Variants in UXS1 observed in about 807,000 individuals in gnomAD.
UXS1 encodes the protein UDP-glucuronic acid decarboxylase 1.
A neutral mutation model predicts 62.6 loss-of-function variants in UXS1; 33 were observed. The ratio of observed to expected loss-of-function variants is 0.53; its 90% confidence interval spans 0.40 to 0.70. The LOEUF is 0.70. UXS1 is among the 30% of genes least tolerant of loss of function. UXS1 has a pLI of 0.00. For synonymous variants in UXS1, 213 were observed against 206.8 expected, an observed-to-expected ratio of 1.03 and a Z score of -0.26; for missense variants, 434 against 556.3, an observed-to-expected ratio of 0.78 and a Z score of 2.21.
chr2:106,141,153 G>A (rs146190928), intron 6 of UXS1, among the ~76,000 whole-genome samples: 13 of 152,250 alleles, frequency 8.5e-5, no homozygotes, highest in Admixed American at 1.3e-4. Flanking sequence ...GGGAAAACCC[G>A]TGTCTTGGTA....
chr2:106,139,109 A>C (rs986149341), intron 6 of UXS1, among the ~76,000 whole-genome samples: 4 of 152,172 alleles, frequency 2.6e-5, no homozygotes, highest in Non-Finnish European at 5.9e-5. Context: ...TGCACAGTTC[A>C]GAGTACACCA....
chr2:106,101,226 CAAA>C, intron 11 of UXS1, 108 bp from the exon 12 acceptor site: 6 of 1,136,138 alleles, frequency 5.3e-6, no homozygotes, highest in Non-Finnish European at 7.5e-6. Context: ...CAGGAGAAAA[CAAA>C]AACCCAAATG....
At chr2:106,109,762 G>C (rs746399687) in intron 10 of UXS1, among the ~76,000 whole-genome samples, 1 of 152,166 alleles carries the variant, frequency 6.6e-6, no homozygotes, top group Admixed American at 6.5e-5. Context: ...GTACAGCAAC[G>C]AGTGAGATGC....
chr2:106,146,795 A>AAAAAAAAAC (rs1681613431), intron 5 of UXS1, among the ~76,000 whole-genome samples: 1 of 145,878 alleles, frequency 6.9e-6, no homozygotes, highest in Non-Finnish European at 1.5e-5. Flanking sequence ...AAAAAAAAAA[A>AAAAAAAAAC]AGAAGCCATC....
intron 2 of UXS1, 79 bp downstream of exon 2, chr2:106,165,977 A>G: frequency 7.5e-7 from 1 of 1,340,612 alleles, no homozygotes; most frequent in Non-Finnish European, 1.0e-6. Flanking sequence ...TTAACCCATG[A>G]CATCCATGGT....
intron 5 of UXS1, among the ~76,000 whole-genome samples, chr2:106,145,718 C>T (rs545450996): frequency 2.6e-5 from 4 of 152,150 alleles, no homozygotes; most frequent in Admixed American, 6.5e-5. Flanking sequence ...ACATAGCTCA[C>T]GTGGCTTTAA....
chr2:106,192,100 C>T (rs1349183382), intron 1 of UXS1, among the ~76,000 whole-genome samples: 1 of 152,186 alleles, frequency 6.6e-6, no homozygotes, highest in Admixed American at 6.5e-5. Context: ...CTGATGCATG[C>T]TTAAGTCTGA....
intron 7 of UXS1, among the ~76,000 whole-genome samples, chr2:106,126,577 AG>A (rs1679973034): frequency 6.6e-6 from 1 of 152,200 alleles, no homozygotes; most frequent in Admixed American, 6.5e-5. Flanking sequence ...GTAGGATTCT[AG>A]CGTGCAGCAG....
chr2:106,123,032 G>A lies in UXS1; in HGVS notation c.697C>T (p.Arg233Trp), dbSNP rs1381754960. 1.2e-6 allele frequency: 2 copies of A among 1,614,024 alleles called. No homozygotes were observed. The highest frequency in any genetic ancestry group is 1.7e-6 in the Non-Finnish European group (2 of 1,179,886). The part of the protein sequence containing the change: ...YWGHVNPIGP[R>W]ACYDEGKRVA... ...CGTTTGCCTTCATCGTAGCAGGCCCGAGGTCCTATTGGATTCACGTGGCCC... is the reference window on the plus strand; with the variant it reads ...CGTTTGCCTTCATCGTAGCAGGCCCAAGGTCCTATTGGATTCACGTGGCCC... The change falls in exon 9 of 15, where the codon CGG becomes TGG. Residue 233 changes from arginine to tryptophan, a missense_variant. By Grantham distance (101) the Arg-to-Trp change is moderately radical. Around this residue, in one of 3 missense-constraint regions of UXS1, gnomAD observed 134 missense variants for 251.9 expected, o/e 0.53. Transcript: ENST00000283148.
At position 106,125,747 on chromosome 2, in the gene UXS1, A is replaced by G. The variant is rs1175903980; in HGVS notation, c.578-68T>C. Reference sequence around the variant, plus strand: ...GTGCAGGCACATTTTTTGCTGGCCAATTTAAGCAATGTTTTAGTATTAAAG... The same window carrying G: ...GTGCAGGCACATTTTTTGCTGGCCAGTTTAAGCAATGTTTTAGTATTAAAG... On this transcript the variant is annotated intron_variant, in intron 7 of 14. Coordinates refer to ENST00000283148, the MANE Select transcript of UXS1 (RefSeq NM_001253875.2). 4 of 1,373,218 alleles carry G rather than the reference A, an allele frequency of 2.9e-6. No homozygotes were observed. In the Admixed American group the frequency reaches 6.9e-5, roughly 24 times the overall value. 85.1% of individuals were successfully genotyped at this position (1,373,218 alleles called of 1,614,324 possible). A position where few individuals can be genotyped will look rare whatever the true frequency, so the allele number is the denominator to read the frequency against.
intron 1 of UXS1, among the ~76,000 whole-genome samples, chr2:106,178,864 T>C (rs968890328): frequency 6.6e-6 from 1 of 151,644 alleles, no homozygotes; most frequent in Non-Finnish European, 1.5e-5. Context: ...ACAGAATGCC[T>C]TCCAGCTTCT....
Position 106,193,752 on chromosome 2 carries a change from G to A in UXS1, c.94+396C>T, listed in dbSNP as rs528561883. Among the ~76,000 whole-genome samples the A allele has an allele frequency of 3.3e-5, 5 of 150,602 alleles. No individual in the cohort carries two copies. In the East Asian group the frequency reaches 1.0e-3, roughly 30 times the overall value. On this transcript the variant is annotated intron_variant, in intron 1 of 14. Coordinates refer to ENST00000283148, the MANE Select transcript of UXS1 (RefSeq NM_001253875.2). ...TCCGACTTAACCGACACCGCGGCGC[G>A]ACCTCGGCTGTCCCCAAGGGTATCC... is the stretch of plus-strand genomic sequence containing the variant.
intron 11 of UXS1, chr2:106,102,712 T>C (rs1436310597): frequency 6.6e-6 from 1 of 152,148 alleles, no homozygotes; most frequent in Non-Finnish European, 1.5e-5. Flanking sequence ...GTACAGTAAC[T>C]ATATGGACCC....
At chr2:106,113,336 C>G (rs191817431) in intron 9 of UXS1, among the ~76,000 whole-genome samples, 1 of 152,210 alleles carries the variant, frequency 6.6e-6, no homozygotes, top group African/African-American at 2.4e-5. Flanking sequence ...AAACTAAATA[C>G]AACTTAGTGC....
intron 7 of UXS1, among the ~76,000 whole-genome samples, chr2:106,128,070 C>T (rs1449317675): frequency 6.6e-6 from 1 of 152,104 alleles, no homozygotes; most frequent in Admixed American, 6.6e-5. Flanking sequence ...TGACTGCATC[C>T]CCCGAGTAGG....
At chr2:106,159,197 C>T (rs1682701628) in intron 4 of UXS1, 1 of 152,292 alleles carries the variant, frequency 6.6e-6, no homozygotes, top group South Asian at 2.1e-4. Context: ...GAAGAGCCCA[C>T]CGGGCTATAA....
At chr2:106,116,674 T>C (rs1020125787) in intron 9 of UXS1, among the ~76,000 whole-genome samples, 12 of 152,218 alleles carry the variant, frequency 7.9e-5, no homozygotes, top group African/African-American at 2.9e-4. Flanking sequence ...ATATATTAAG[T>C]ACACTACTAG....
intron 1 of UXS1, among the ~76,000 whole-genome samples, chr2:106,168,157 G>A (rs980435081): frequency 5.3e-5 from 8 of 152,202 alleles, no homozygotes; most frequent in East Asian, 1.9e-4. Context: ...ACAAAACTCC[G>A]TCTCAAGAAC....
intron 10 of UXS1, among the ~76,000 whole-genome samples, chr2:106,109,891 T>C (rs1026634980): frequency 1.3e-5 from 2 of 152,202 alleles, no homozygotes; most frequent in African/African-American, 4.8e-5. Flanking sequence ...CAAAGAGGTC[T>C]TCACCTCAGA....
Sources: allele counts gnomAD v4.1 joint callset (sites outside exome capture counted in the v4.1 genomes callset), GRCh38; gene constraint gnomAD v4.1.1; regional missense constraint gnomAD v4.1.1; transcripts MANE v1.5; gene names NCBI Gene and HGNC (gene_info 2026-07-23, HGNC 2026-07-21).